The following MGAT4C variants were observed in gnomAD, a reference collection of about 807,000 sequenced individuals.
MGAT4C encodes alpha-1,3-mannosyl-glycoprotein 4-beta-N-acetylglucosaminyltransferase C.
A neutral mutation model predicts 40.1 loss-of-function variants in MGAT4C; 19 were observed. That is an observed-to-expected ratio of 0.47 (90% CI 0.33 to 0.70). The LOEUF (loss-of-function observed/expected upper bound fraction) is 0.70. Among genes scored for constraint, MGAT4C ranks in the 30% least tolerant of loss-of-function variants. The pLI is 0.02. For missense variants in MGAT4C, 491 were observed against 563.2 expected (o/e 0.87, Z 1.30); for synonymous variants, 181 against 187.1 (o/e 0.97, Z 0.27).
intron 2 of MGAT4C, among the ~76,000 whole-genome samples, chr12:86,617,671 G>C (rs897203186): frequency 8.0e-5 from 12 of 150,300 alleles, no homozygotes; most frequent in Non-Finnish European, 8.9e-5. Context: ...CTGGAAGACA[G>C]AGCTAGACTC....
chr12:86,566,734 T>C, intron 2 of MGAT4C, among the ~76,000 whole-genome samples: 1 of 105,458 alleles, frequency 9.5e-6, no homozygotes, highest in East Asian at 3.0e-4. Flanking sequence ...TACATACATA[T>C]GTATACAATG....
chr12:86,216,601 G>A (rs552918903), intron 1 of MGAT4C, among the ~76,000 whole-genome samples: 2 of 152,284 alleles, frequency 1.3e-5, no homozygotes, highest in African/African-American at 2.4e-5. Flanking sequence ...TATGATGAAT[G>A]TGTGTAATAT....
chr12:86,443,684 C>G (rs1292999438), intron 2 of MGAT4C, among the ~76,000 whole-genome samples: 1 of 152,178 alleles, frequency 6.6e-6, no homozygotes, highest in Non-Finnish European at 1.5e-5. Context: ...AGCTCTTCCT[C>G]TTGGGTTCAC....
chr12:86,327,653 T>G (rs1954558087), intron 4 of MGAT4C, among the ~76,000 whole-genome samples: 1 of 152,222 alleles, frequency 6.6e-6, no homozygotes, highest in Admixed American at 6.5e-5. Flanking sequence ...ATGAAAACTC[T>G]GACTTAATAT....
At chr12:86,152,513 A>G (rs1884420460) in intron 1 of MGAT4C, among the ~76,000 whole-genome samples, 1 of 152,184 alleles carries the variant, frequency 6.6e-6, no homozygotes, top group Non-Finnish European at 1.5e-5. Flanking sequence ...ACATCTTAAT[A>G]CTATTGTACT....
chr12:86,443,188 G>A lies in MGAT4C; in HGVS notation c.-228-7923C>T, dbSNP rs572448884. Among the ~76,000 whole-genome samples the A allele has an allele frequency of 2.7e-5, 4 of 150,468 alleles. No homozygotes were observed. In the East Asian group the frequency reaches 6.1e-4, roughly 23 times the overall value. ...ATATTTCCACTGACATTATATATGT[G>A]TGTGTGTGTATATATATACACACAC... On this transcript the variant is annotated intron_variant, in intron 2 of 7. Coordinates refer to the MGAT4C transcript ENST00000548651.
At chr12:86,611,500 A>AGATG (rs3082166) in intron 2 of MGAT4C, among the ~76,000 whole-genome samples, 3 of 151,924 alleles carry the variant, frequency 2.0e-5, no homozygotes, top group African/African-American at 7.3e-5. Context: ...ATAGATAGAT[A>AGATG]CATGTTTGTA....
intron 1 of MGAT4C, among the ~76,000 whole-genome samples, chr12:86,799,558 T>C (rs1247590726): frequency 6.6e-6 from 1 of 151,904 alleles, no homozygotes; most frequent in Non-Finnish European, 1.5e-5. Context: ...ATAGCTTTTA[T>C]ATTTCAAGAA....
chr12:86,785,045 T>A (rs1951909058), intron 1 of MGAT4C, among the ~76,000 whole-genome samples: 1 of 151,926 alleles, frequency 6.6e-6, no homozygotes, highest in Admixed American at 6.6e-5. Context: ...GCTAAAAAAA[T>A]TCTTCTTTGT....
intron 2 of MGAT4C, among the ~76,000 whole-genome samples, chr12:86,010,894 T>TA (rs1449803867): frequency 2.0e-5 from 3 of 152,304 alleles, no homozygotes; most frequent in Middle Eastern, 3.4e-3. Flanking sequence ...GGGTCTGTTA[T>TA]AAAAGTTAGC....
intron 1 of MGAT4C, among the ~76,000 whole-genome samples, chr12:86,191,632 A>AACAC (rs61626246): frequency 0.023 from 2,817 of 121,894 alleles, 62 homozygotes; most frequent in African/African-American, 0.059. Context: ...CAAAAAACAA[A>AACAC]ACACACACAC....
chr12:86,670,801 A>C (rs1221454020), intron 2 of MGAT4C, among the ~76,000 whole-genome samples: 1 of 152,128 alleles, frequency 6.6e-6, no homozygotes, highest in African/African-American at 2.4e-5. Flanking sequence ...AAAAATCTTA[A>C]CCCTTTTCCC....
chr12:86,514,730 T>A (rs1054973093), intron 2 of MGAT4C, among the ~76,000 whole-genome samples: 7 of 152,242 alleles, frequency 4.6e-5, no homozygotes, highest in African/African-American at 1.7e-4. Context: ...ATTCTATCTG[T>A]ATCTTTAACT....
intron 1 of MGAT4C, among the ~76,000 whole-genome samples, chr12:86,239,205 T>C (rs1566200299): frequency 2.0e-5 from 3 of 152,126 alleles, no homozygotes; most frequent in Non-Finnish European, 4.4e-5. Flanking sequence ...GTGGAGTAAC[T>C]GCAAGTAATT....
At chr12:86,624,506 G>A (rs565376831) in intron 2 of MGAT4C, among the ~76,000 whole-genome samples, 1 of 152,270 alleles carries the variant, frequency 6.6e-6, no homozygotes, top group Admixed American at 6.5e-5. Flanking sequence ...ATCATTAGCT[G>A]ACCACTAACC....
chr12:86,789,341 C>A (rs889027975), intron 1 of MGAT4C, among the ~76,000 whole-genome samples: 1 of 152,062 alleles, frequency 6.6e-6, no homozygotes, highest in Admixed American at 6.6e-5. Context: ...AACAGCAAAC[C>A]CGATCTATAT....
intron 1 of MGAT4C, among the ~76,000 whole-genome samples, chr12:86,181,094 C>T (rs1294701532): frequency 6.6e-6 from 1 of 152,148 alleles, no homozygotes; most frequent in Non-Finnish European, 1.5e-5. Flanking sequence ...AAATAAGTCT[C>T]AGGAGATCGT....
At chr12:86,197,721 G>T (rs1345240589) in intron 1 of MGAT4C, among the ~76,000 whole-genome samples, 13 of 152,146 alleles carry the variant, frequency 8.5e-5, no homozygotes, top group Non-Finnish European at 1.8e-4. Context: ...TAGATATATA[G>T]AGAGATGATA....
At chr12:86,671,617 A>G (rs2136564390) in intron 2 of MGAT4C, among the ~76,000 whole-genome samples, 1 of 152,322 alleles carries the variant, frequency 6.6e-6, no homozygotes, top group South Asian at 2.1e-4. Flanking sequence ...AAGGTAGTCT[A>G]TACTAAGGGA....
Sources: gnomAD v4.1 joint callset for allele counts (sites outside exome capture counted in the v4.1 genomes callset) on GRCh38, gnomAD v4.1.1 for gene constraint, MANE v1.5 for transcripts, NCBI Gene and HGNC (gene_info 2026-07-23, HGNC 2026-07-21) for gene names.